CSMD1: variants seen among roughly 807,000 people sequenced by gnomAD.
CSMD1 encodes CUB and sushi domain-containing protein 1.
In CSMD1, 213 loss-of-function variants were observed where a neutral mutation model predicts 417.5. The ratio of observed to expected loss-of-function variants is 0.51; its 90% CI spans 0.46 to 0.57. The LOEUF (loss-of-function observed/expected upper bound fraction) is 0.57. Ranked by LOEUF, CSMD1 falls within the 20% of genes least tolerant of loss-of-function variation. CSMD1 has a pLI of 0.00. For missense variants in CSMD1, 6,923 were observed against 4,529.7 expected (o/e 1.53, Z -15.17); for synonymous variants, 2,862 against 1,736.8 (o/e 1.65, Z -16.11).
At chr8:4,143,532 C>G (rs997921536) in intron 3 of CSMD1, among the ~76,000 whole-genome samples, 3 of 150,848 alleles carry the variant, frequency 2.0e-5, no homozygotes, top group Admixed American at 6.6e-5. Context: ...AAGTTTATAT[C>G]AAATCTATAT....
At chr8:3,313,835 G>A (rs1805547259) in intron 23 of CSMD1, among the ~76,000 whole-genome samples, 1 of 152,096 alleles carries the variant, frequency 6.6e-6, no homozygotes, top group Non-Finnish European at 1.5e-5. Context: ...GTTTATAGCG[G>A]CACTATTCAC....
Position 4,506,322 on chromosome 8 carries a change from C to T in CSMD1, c.303-86257G>A, listed in dbSNP as rs10096809. ...AAAAAGGAAGAGTACCAGCTACCCA[C>T]TGAAACCCACGGTGGGTTAGACCGT... On this transcript the variant is annotated intron_variant, in intron 2 of 69. Transcript: ENST00000635120. Among the ~76,000 whole-genome samples, 796 of 152,070 alleles carry T rather than the reference C, an allele frequency of 5.2e-3. 5 individuals are homozygous for T. The highest frequency in any genetic ancestry group is 8.4e-3 in the Non-Finnish European group (573 of 67,992).
chr8:3,810,441 G>C (rs1801002680), intron 5 of CSMD1, among the ~76,000 whole-genome samples: 1 of 152,122 alleles, frequency 6.6e-6, no homozygotes, highest in Non-Finnish European at 1.5e-5. Context: ...GGATCGAAGG[G>C]AGCACGGGAG....
At chr8:4,287,095 A>T (rs1461196618) in intron 3 of CSMD1, among the ~76,000 whole-genome samples, 1 of 152,214 alleles carries the variant, frequency 6.6e-6, no homozygotes, top group Non-Finnish European at 1.5e-5. Flanking sequence ...GTTTCAATCT[A>T]CTTCACACAA....
intron 33 of CSMD1, among the ~76,000 whole-genome samples, chr8:3,197,559 G>T (rs990851792): frequency 6.7e-6 from 1 of 149,924 alleles, no homozygotes; most frequent in Non-Finnish European, 1.5e-5. Context: ...TCCGCCTCCC[G>T]GGTTCACGCC....
At chr8:3,726,092 A>T (rs1802478629) in intron 6 of CSMD1, among the ~76,000 whole-genome samples, 1 of 152,108 alleles carries the variant, frequency 6.6e-6, no homozygotes, top group African/African-American at 2.4e-5. Context: ...TCAAGCAGCC[A>T]CCGGGAATGC....
intron 2 of CSMD1, among the ~76,000 whole-genome samples, chr8:4,433,409 T>C (rs1797979291): frequency 6.6e-6 from 1 of 152,046 alleles, no homozygotes; most frequent in African/African-American, 2.4e-5. Flanking sequence ...ACTAAAAGAA[T>C]CAACCTTTGA....
chr8:4,153,890 T>C (rs1332952882), intron 3 of CSMD1, among the ~76,000 whole-genome samples: 2 of 152,206 alleles, frequency 1.3e-5, no homozygotes, highest in African/African-American at 4.8e-5. Context: ...CAAACTAACA[T>C]CTCAGATTCC....
At chr8:4,404,912 G>T (rs111950642) in intron 3 of CSMD1, among the ~76,000 whole-genome samples, 1 of 152,258 alleles carries the variant, frequency 6.6e-6, no homozygotes, top group Non-Finnish European at 1.5e-5. Context: ...TTTCCAAAAA[G>T]CCTATGATGT....
intron 1 of CSMD1, among the ~76,000 whole-genome samples, chr8:4,900,948 G>C (rs559815334): frequency 6.6e-6 from 1 of 152,340 alleles, no homozygotes; most frequent in East Asian, 1.9e-4. Context: ...GCACAGTGCG[G>C]CCACATGGCA....
chr8:4,063,802 C>T (rs1048705864), intron 3 of CSMD1, among the ~76,000 whole-genome samples: 1 of 152,144 alleles, frequency 6.6e-6, no homozygotes, highest in Non-Finnish European at 1.5e-5. Flanking sequence ...AAACCTGCAT[C>T]TATCTGAGAG....
intron 5 of CSMD1, among the ~76,000 whole-genome samples, chr8:3,993,737 G>A (rs1351468468): frequency 1.3e-5 from 2 of 152,180 alleles, no homozygotes; most frequent in African/African-American, 4.8e-5. Flanking sequence ...ATCCAAAGCG[G>A]AAGAAATGTT....
chr8:3,158,658 A>G (rs572890594), intron 38 of CSMD1, among the ~76,000 whole-genome samples: 1 of 151,892 alleles, frequency 6.6e-6, no homozygotes, highest in East Asian at 1.9e-4. Flanking sequence ...AACAAACAGT[A>G]GAGGGTTAAA....
chr8:4,541,453 C>G (rs531577587), intron 2 of CSMD1, among the ~76,000 whole-genome samples: 2 of 152,154 alleles, frequency 1.3e-5, no homozygotes, highest in African/African-American at 2.4e-5. Flanking sequence ...AGGTGTCCCA[C>G]GTTATCAAAA....
At chr8:3,287,755 C>G (rs760899257) in intron 25 of CSMD1, among the ~76,000 whole-genome samples, 5 of 152,116 alleles carry the variant, frequency 3.3e-5, no homozygotes, top group African/African-American at 9.7e-5. Flanking sequence ...CCAACAGGGA[C>G]AATTTGACTT....
intron 10 of CSMD1, among the ~76,000 whole-genome samples, chr8:3,552,825 T>C (rs1266523346): frequency 1.3e-5 from 2 of 152,190 alleles, no homozygotes; most frequent in Non-Finnish European, 2.9e-5. Flanking sequence ...TTTAAAATTG[T>C]ATAATTTATA....
chr8:4,590,623 T>C lies in CSMD1; in HGVS notation c.302+46719A>G, dbSNP rs1407178570. Among the ~76,000 whole-genome samples the C allele has an allele frequency of 2.6e-5, 4 of 152,144 alleles. No homozygotes were observed. The East Asian group carries it at 5.8e-4, about 22-fold the overall frequency. On this transcript the variant is annotated intron_variant, in intron 2 of 69. Coordinates refer to ENST00000635120, the MANE Select transcript of CSMD1 (RefSeq NM_033225.6). Reference sequence around the variant, plus strand: ...AATAAAAATGTATACTGTTAATATATGTTGTTCAAAGTTGTTGACTTTTAC... The same window carrying C: ...AATAAAAATGTATACTGTTAATATACGTTGTTCAAAGTTGTTGACTTTTAC...
intron 3 of CSMD1, among the ~76,000 whole-genome samples, chr8:4,204,578 T>C (rs764276527): frequency 2.6e-5 from 4 of 152,190 alleles, no homozygotes; most frequent in Admixed American, 6.5e-5. Flanking sequence ...GAGAGGAAGA[T>C]TCAATCTGAC....
intron 3 of CSMD1, among the ~76,000 whole-genome samples, chr8:4,070,518 C>T (rs939456062): frequency 6.6e-6 from 1 of 151,998 alleles, no homozygotes; most frequent in African/African-American, 2.4e-5. Context: ...CCACCACGGC[C>T]GGCTATTTTT....
Sources: gnomAD v4.1 joint callset for allele counts (sites outside exome capture counted in the v4.1 genomes callset) on GRCh38, gnomAD v4.1.1 for gene constraint, MANE v1.5 for transcripts, NCBI Gene and HGNC (gene_info 2026-07-23, HGNC 2026-07-21) for gene names.